POLN: variants seen among roughly 807,000 people sequenced by gnomAD.
POLN encodes DNA polymerase nu, also known as DNA polymerase N.
POLN carries 108 observed loss-of-function variants against 113.5 expected under a neutral mutation model. The observed-to-expected ratio is 0.95, with a 90% CI of 0.81 to 1.12. The LOEUF is 1.12. POLN is among the 50% of genes most tolerant of loss of function. POLN has a pLI of 0.00. For synonymous variants in POLN, 386 were observed against 391.5 expected (o/e 0.99, Z 0.17); for missense variants, 1,097 against 1,077.1 (o/e 1.02, Z -0.26).
At chr4:2,211,375 T>G (rs1733991293) in intron 4 of POLN, among the ~76,000 whole-genome samples, 1 of 151,772 alleles carries the variant, frequency 6.6e-6, no homozygotes, top group African/African-American at 2.4e-5. Flanking sequence ...AATGTAACAG[T>G]AAAAATGTCA....
intron 20 of POLN, chr4:2,090,317 T>C (rs777626006): frequency 2.5e-6 from 2 of 806,658 alleles, no homozygotes; most frequent in Non-Finnish European, 4.1e-6. Context: ...ATTCAATCAA[T>C]ATTTCATCTG....
chr4:2,233,869 C>G (rs1734666379), intron 2 of POLN, among the ~76,000 whole-genome samples: 1 of 152,066 alleles, frequency 6.6e-6, no homozygotes, highest in African/African-American at 2.4e-5. Flanking sequence ...TTATATAGTG[C>G]TGGTAGCATT....
At chr4:2,150,069 T>C (rs937945264) in intron 16 of POLN, among the ~76,000 whole-genome samples, 2 of 151,748 alleles carry the variant, frequency 1.3e-5, no homozygotes, top group Non-Finnish European at 2.9e-5. Flanking sequence ...GGCAACAGTG[T>C]GAGACTCCAT....
intron 7 of POLN, among the ~76,000 whole-genome samples, chr4:2,189,738 T>C (rs1000531795): frequency 2.0e-5 from 3 of 150,242 alleles, no homozygotes; most frequent in African/African-American, 7.4e-5. Flanking sequence ...TTCACAGAAA[T>C]AGGACAAAAA....
chr4:2,158,725 G>T (rs553581842), intron 14 of POLN, among the ~76,000 whole-genome samples: 15 of 152,214 alleles, frequency 9.9e-5, no homozygotes, highest in Non-Finnish European at 1.9e-4. Flanking sequence ...AATCACCAGG[G>T]GAGGGAAGGG....
At chr4:2,105,482 T>C (rs537018638) in intron 19 of POLN, among the ~76,000 whole-genome samples, 1 of 151,946 alleles carries the variant, frequency 6.6e-6, no homozygotes, top group Non-Finnish European at 1.5e-5. Context: ...AGCAAAGGAA[T>C]TAAGAGGAAT....
At chr4:2,087,590 CATTT>C (rs1301720285) in intron 20 of POLN, among the ~76,000 whole-genome samples, 1 of 151,930 alleles carries the variant, frequency 6.6e-6, no homozygotes, top group Admixed American at 6.5e-5. Context: ...TTCTTTTTTT[CATTT>C]ATTAAGAGCA....
chr4:2,143,741 A>G (rs1732063063), intron 16 of POLN, among the ~76,000 whole-genome samples: 2 of 152,196 alleles, frequency 1.3e-5, no homozygotes, highest in South Asian at 4.1e-4. Context: ...ACAGATTAAT[A>G]TCCCTCATAA....
intron 16 of POLN, among the ~76,000 whole-genome samples, chr4:2,146,761 T>C (rs986396373): frequency 6.6e-6 from 1 of 152,124 alleles, no homozygotes; most frequent in Admixed American, 6.6e-5. Context: ...GATATGTTCA[T>C]GGATCTAGGG....
At chr4:2,146,717 G>A (rs778810333) in intron 16 of POLN, among the ~76,000 whole-genome samples, 15 of 152,086 alleles carry the variant, frequency 9.9e-5, no homozygotes, top group African/African-American at 1.9e-4. Flanking sequence ...AAGAACTAAC[G>A]GGCAGCAGCC....
intron 16 of POLN, among the ~76,000 whole-genome samples, chr4:2,148,936 A>T (rs528394107): frequency 6.6e-6 from 1 of 152,302 alleles, no homozygotes; most frequent in East Asian, 1.9e-4. Flanking sequence ...AAAACCTTTT[A>T]ACTGAGAATT....
At chr4:2,210,561 C>G (rs73201269) in intron 4 of POLN, among the ~76,000 whole-genome samples, 5,945 of 147,764 alleles carry the variant, frequency 0.04, 164 homozygotes, top group Admixed American at 0.052. Context: ...TCAGCCTGTG[C>G]GACAGAGTGA....
intron 16 of POLN, among the ~76,000 whole-genome samples, chr4:2,136,270 T>A (rs749374362): frequency 2.0e-5 from 3 of 152,222 alleles, no homozygotes; most frequent in Non-Finnish European, 4.4e-5. Context: ...ACAATTTTAA[T>A]CTCCTCTAGG....
chr4:2,181,814 C>T (rs558692951), intron 7 of POLN, among the ~76,000 whole-genome samples: 1 of 152,154 alleles, frequency 6.6e-6, no homozygotes, highest in African/African-American at 2.4e-5. Context: ...TCTTGGCTAA[C>T]ACGGTGAAAC....
At chr4:2,241,983 G>T in intron 1 of POLN, 68 bp downstream of exon 1, 1 of 985,578 alleles carries the variant, frequency 1.0e-6, no homozygotes, top group Non-Finnish European at 1.2e-6. Context: ...CCTGGGTGCA[G>T]ACGGGGATCG....
intron 18 of POLN, 73 bp downstream of exon 18, chr4:2,129,106 G>T: frequency 3.3e-4 from 242 of 729,406 alleles, no homozygotes; most frequent in Non-Finnish European, 4.6e-4. Context: ...AATTCCATAA[G>T]TACCTTTGAA....
At chr4:2,204,556 T>C (rs1015930058) in intron 5 of POLN, among the ~76,000 whole-genome samples, 11 of 152,078 alleles carry the variant, frequency 7.2e-5, no homozygotes, top group Admixed American at 3.3e-4. Context: ...TTCCACAAGA[T>C]AGAGAAAGAG....
At chr4:2,085,564 C>T (rs1730528520) in intron 21 of POLN, 49 bp downstream of exon 21, 1 of 1,606,790 alleles carries the variant, frequency 6.2e-7, no homozygotes, top group Non-Finnish European at 8.5e-7. Flanking sequence ...CCCCATCCTC[C>T]CACAGAGGGT....
At chr4:2,220,206 G>A (rs188223157) in intron 3 of POLN, among the ~76,000 whole-genome samples, 105 of 152,300 alleles carry the variant, frequency 6.9e-4, no homozygotes, top group Non-Finnish European at 1.1e-3. Context: ...AGCAGAGGGT[G>A]CTAGAGGGAC....
Sources: allele counts gnomAD v4.1 joint callset (sites outside exome capture counted in the v4.1 genomes callset), GRCh38; gene constraint gnomAD v4.1.1; transcripts MANE v1.5; gene names NCBI Gene and HGNC (gene_info 2026-07-23, HGNC 2026-07-21).